ARRB1: variants seen among roughly 807,000 people sequenced by gnomAD.
ARRB1 encodes beta-arrestin-1.
A neutral mutation model predicts 56.8 loss-of-function variants in ARRB1; 21 were observed. The observed-to-expected ratio is 0.37, with a 90% CI of 0.26 to 0.53. The LOEUF (loss-of-function observed/expected upper bound fraction) is 0.53, where lower values mean the gene tolerates loss of function less well. Among genes scored for constraint, ARRB1 ranks in the 20% least tolerant of loss-of-function variants. The probability of loss-of-function intolerance (pLI) is 0.88; values close to 1 mark genes in which losing one functional copy is unlikely to be tolerated. For synonymous variants in ARRB1, 210 were observed against 218.6 expected, an observed-to-expected ratio of 0.96 and a Z score of 0.35; for missense variants, 424 against 553.7, an observed-to-expected ratio of 0.77 and a Z score of 2.35.
At chr11:75,316,579 G>A (rs1027680318) in intron 1 of ARRB1, among the ~76,000 whole-genome samples, 22 of 151,816 alleles carry the variant, frequency 1.4e-4, no homozygotes, top group African/African-American at 5.3e-4. Context: ...GAAACATCTC[G>A]CTTAAACCCC....
intron 2 of ARRB1, among the ~76,000 whole-genome samples, chr11:75,289,478 A>G (rs1946554998): frequency 6.6e-6 from 1 of 152,156 alleles, no homozygotes; most frequent in Admixed American, 6.5e-5. Flanking sequence ...ACTGTGCCTC[A>G]TTCATCTGAG....
At chr11:75,313,327 C>A (rs978579989) in intron 1 of ARRB1, among the ~76,000 whole-genome samples, 1 of 152,064 alleles carries the variant, frequency 6.6e-6, no homozygotes, top group Non-Finnish European at 1.5e-5. Context: ...CTCCAGCCTG[C>A]GTGACAGAGT....
chr11:75,263,664 C>T lies in ARRB1; in HGVS notation c.*2499G>A. Among the ~76,000 whole-genome samples, 1 of 151,682 alleles carries T rather than the reference C, an allele frequency of 6.6e-6. No homozygotes were observed. The highest frequency in any genetic ancestry group is 6.6e-5 in the Admixed American group (1 of 15,218). On this transcript the variant is annotated 3_prime_UTR_variant, in exon 16 of 16. Coordinates refer to ENST00000420843, the MANE Select transcript of ARRB1 (RefSeq NM_004041.5). ...TGTGGCTCCAGTACTTGGCATAGAG[C>T]TGAGTCATCAGCAAAGGATGGTAGG...
At chr11:75,325,701 G>A (rs56386203) in intron 1 of ARRB1, among the ~76,000 whole-genome samples, 16,506 of 152,172 alleles carry the variant, frequency 0.11, 1,024 homozygotes, top group Middle Eastern at 0.14. Flanking sequence ...TGAACTCTGC[G>A]GCTCATGCTA....
At chr11:75,344,021 T>C (rs1947731321) in intron 1 of ARRB1, among the ~76,000 whole-genome samples, 1 of 152,134 alleles carries the variant, frequency 6.6e-6, no homozygotes, top group Admixed American at 6.5e-5. Context: ...TTCACCGTGT[T>C]AGCCAGGATG....
chr11:75,273,700 AT>A (rs1946126638), intron 11 of ARRB1, among the ~76,000 whole-genome samples: 1 of 151,502 alleles, frequency 6.6e-6, no homozygotes, highest in Admixed American at 6.6e-5. Context: ...GGGGCACCCC[AT>A]GTTGGGTCTA....
Position 75,290,002 on chromosome 11 carries a change from G to A in ARRB1, c.51+7C>T, listed in dbSNP as rs1275936393. On this transcript the variant is annotated splice_region_variant and intron_variant, in intron 2 of 15. Transcript: ENST00000420843. ...GGAGGCGCTGGGCGCAGCTGTTACAGACTCACCTTTCCATTTGGACTGGCC... is the reference window on the plus strand; with the variant it reads ...GGAGGCGCTGGGCGCAGCTGTTACAAACTCACCTTTCCATTTGGACTGGCC... 1 of 1,614,208 alleles carries A rather than the reference G, an allele frequency of 6.2e-7. No homozygotes were observed. The highest frequency in any genetic ancestry group is 1.3e-5 in the African/African-American group (1 of 75,070).
At chr11:75,318,123 C>T (rs7929974) in intron 1 of ARRB1, among the ~76,000 whole-genome samples, 61,778 of 146,490 alleles carry the variant, frequency 0.42, 14,071 homozygotes, top group East Asian at 0.69. Context: ...GATGTGATGT[C>T]GGCCTGGGAA....
At chr11:75,315,419 T>C (rs899533607) in intron 1 of ARRB1, among the ~76,000 whole-genome samples, 1 of 152,012 alleles carries the variant, frequency 6.6e-6, no homozygotes, top group African/African-American at 2.4e-5. Flanking sequence ...CCAGCAATTA[T>C]ATTTACCCAC....
At chr11:75,315,636 C>T (rs193002258) in intron 1 of ARRB1, among the ~76,000 whole-genome samples, 1 of 152,146 alleles carries the variant, frequency 6.6e-6, no homozygotes, top group African/African-American at 2.4e-5. Context: ...ACGTACTCTC[C>T]TAGAGAGTGG....
chr11:75,336,682 TG>T (rs1947608440), intron 1 of ARRB1, among the ~76,000 whole-genome samples: 1 of 152,160 alleles, frequency 6.6e-6, no homozygotes, highest in African/African-American at 2.4e-5. Context: ...GTCCCTGGGC[TG>T]GGTGCCAAGG....
Position 75,267,517 on chromosome 11 carries a change from A to C in ARRB1, c.1145+135T>G. 3.5e-6 allele frequency: 3 copies of C among 850,878 alleles called. No homozygotes were observed. In the South Asian group the frequency reaches 4.7e-5, roughly 13 times the overall value. The allele number at this position is 850,878 out of a possible 1,614,324, so 52.7% of individuals were successfully genotyped here. A position where few individuals can be genotyped will look rare whatever the true frequency, so the allele number is the denominator to read the frequency against. ...AGGCAAGCGGGTTGCTGAAGAGGCG[A>C]GCAGAGGTGGCTCTCAGCAGACGGG... On this transcript the variant is annotated intron_variant, in intron 15 of 15. Coordinates refer to ENST00000420843, the MANE Select transcript of ARRB1 (RefSeq NM_004041.5).
At position 75,274,243 on chromosome 11, in the gene ARRB1, C is replaced by A. The variant is rs778147587; in HGVS notation, c.777-32G>T. 15 of 1,611,226 alleles carry A rather than the reference C, an allele frequency of 9.3e-6. No individual in the cohort carries two copies. In the East Asian group the frequency reaches 2.7e-4, roughly 29 times the overall value. The stretch of plus-strand genomic sequence containing the variant: ...AGAAAGGAAGCAGCTGTGGAGATGG[C>A]CCTCCCCAGAGCCAACCCCAGCCCT... On this transcript the variant is annotated intron_variant, in intron 10 of 15. Coordinates refer to ENST00000420843, the MANE Select transcript of ARRB1 (RefSeq NM_004041.5).
intron 7 of ARRB1, 53 bp downstream of exon 7, chr11:75,281,022 C>T (rs1265947346): frequency 1.9e-6 from 3 of 1,558,686 alleles, no homozygotes; most frequent in African/African-American, 2.7e-5. Context: ...CTTTGCCCAT[C>T]CTGTCTCCCT....
chr11:75,314,852 C>T (rs1261300357), intron 1 of ARRB1, among the ~76,000 whole-genome samples: 1 of 152,182 alleles, frequency 6.6e-6, no homozygotes, highest in Non-Finnish European at 1.5e-5. Flanking sequence ...GGTGATCCAC[C>T]CGCCTCGGCC....
chr11:75,323,898 G>A (rs924564166), intron 1 of ARRB1, among the ~76,000 whole-genome samples: 17 of 152,108 alleles, frequency 1.1e-4, no homozygotes, highest in African/African-American at 4.1e-4. Flanking sequence ...TTAAACTGTA[G>A]GGCACCCACA....
At chr11:75,303,545 C>A (rs1946953285) in intron 1 of ARRB1, 1 of 455,828 alleles carries the variant, frequency 2.2e-6, no homozygotes, top group South Asian at 1.5e-5. Context: ...TTATTTCCCT[C>A]CTTTCTTTTC....
intron 1 of ARRB1, among the ~76,000 whole-genome samples, chr11:75,303,145 G>T (rs529828875): frequency 6.6e-6 from 1 of 152,108 alleles, no homozygotes; most frequent in Middle Eastern, 3.4e-3. Flanking sequence ...GGGATTACAG[G>T]TGCACACCAC....
At chr11:75,307,989 T>C (rs1947068076) in intron 1 of ARRB1, among the ~76,000 whole-genome samples, 1 of 152,138 alleles carries the variant, frequency 6.6e-6, no homozygotes, top group African/African-American at 2.4e-5. Flanking sequence ...ACCATCCCCA[T>C]CATCAAACTT....
Sources: allele counts gnomAD v4.1 joint callset (sites outside exome capture counted in the v4.1 genomes callset), GRCh38; gene constraint gnomAD v4.1.1; transcripts MANE v1.5; gene names NCBI Gene and HGNC (gene_info 2026-07-23, HGNC 2026-07-21).